Variants in IRAG2 observed in about 807,000 individuals in gnomAD.
IRAG2 encodes inositol 1,4,5-triphosphate receptor associated 2.
In IRAG2, 45 loss-of-function variants were observed where a neutral mutation model predicts 69.9. That is an observed-to-expected ratio of 0.64 (90% confidence interval 0.51 to 0.83). The LOEUF (loss-of-function observed/expected upper bound fraction) is 0.83, where lower values mean the gene tolerates loss of function less well. IRAG2 is among the 40% of genes least tolerant of loss of function. The pLI is 0.00. For synonymous variants in IRAG2, 193 were observed against 202.4 expected, an observed-to-expected ratio of 0.95 and a Z score of 0.40; for missense variants, 520 against 587.0, an observed-to-expected ratio of 0.89 and a Z score of 1.18.
At chr12:25,035,829 T>C (rs914132761) in intron 14 of IRAG2, 8 of 398,698 alleles carry the variant, frequency 2.0e-5, no homozygotes, top group African/African-American at 1.6e-4. Flanking sequence ...CCGTTTTGGC[T>C]GGCAATATCT....
intron 3 of IRAG2, among the ~76,000 whole-genome samples, chr12:25,014,805 C>G (rs1102642): frequency 0.22 from 33,300 of 151,578 alleles, 4,510 homozygotes; most frequent in Non-Finnish European, 0.31. Flanking sequence ...TCTCCACTTA[C>G]CAGTCCAACC....
chr12:25,045,864 A>AGG (rs751899422), intron 16 of IRAG2, among the ~76,000 whole-genome samples: 1 of 148,202 alleles, frequency 6.7e-6, no homozygotes, highest in African/African-American at 2.5e-5. Flanking sequence ...AAAAAAAAAA[A>AGG]AAAGGAAAGG....
At chr12:25,067,320 G>T (rs1002417429) in intron 5 of IRAG2, among the ~76,000 whole-genome samples, 7 of 152,144 alleles carry the variant, frequency 4.6e-5, no homozygotes, top group East Asian at 1.9e-4. Context: ...ATGTGTGGGG[G>T]TTTTTTTCCC....
intron 5 of IRAG2, among the ~76,000 whole-genome samples, chr12:25,067,341 GC>G (rs542035360): frequency 2.2e-4 from 33 of 152,220 alleles, no homozygotes; most frequent in African/African-American, 7.7e-4. Context: ...CACACTCCAA[GC>G]AATTTTCCAC....
At chr12:25,080,478 A>T (rs773349400) in intron 9 of IRAG2, among the ~76,000 whole-genome samples, 9 of 151,522 alleles carry the variant, frequency 5.9e-5, no homozygotes, top group Non-Finnish European at 1.3e-4. Context: ...CAGCCTCCCG[A>T]GTAGCTGGGA....
intron 3 of IRAG2, chr12:25,015,034 A>G (rs967258598): frequency 5.3e-6 from 2 of 377,268 alleles, no homozygotes; most frequent in African/African-American, 2.6e-5. Flanking sequence ...ATGAATATAT[A>G]TTTTTTTAAC....
At position 25,070,861 on chromosome 12, in the gene IRAG2, G is replaced by T. The variant is rs573124197; in HGVS notation, c.24+1430G>T. Among the ~76,000 whole-genome samples, 10 of 152,182 alleles carry T rather than the reference G, an allele frequency of 6.6e-5. No individual in the cohort carries two copies. The South Asian group carries it at 2.1e-3, about 32-fold the overall frequency. On this transcript the variant is annotated intron_variant, in intron 6 of 21. Transcript: ENST00000556887. ...CAAAGTGATACCTCACTGTATTTTT[G>T]ATTTGCATTTCTCTCATGATTAATA...
rs989491475 is a variant in IRAG2, at chr12:25,065,079, G to T, written c.-207+1263G>T. Among the ~76,000 whole-genome samples the T allele has an allele frequency of 3.6e-5, 5 of 139,140 alleles. No individual in the cohort carries two copies. In the East Asian group the frequency reaches 1.2e-3, roughly 33 times the overall value. The allele number at this position is 139,140 out of a possible 152,430, so 91.3% of individuals were successfully genotyped here. The stretch of plus-strand genomic sequence containing the variant: ...CATTCCAGCCTGGGTGTCGCAGTGA[G>T]ACTCAGTCTCAAAAAAAAAAAAGAG... On this transcript the variant is annotated intron_variant, in intron 4 of 21. Coordinates refer to ENST00000556887, the MANE Select transcript of IRAG2 (RefSeq NM_001366544.2).
chr12:25,011,298 A>T (rs1944472840), intron 2 of IRAG2: 3 of 1,162,668 alleles, frequency 2.6e-6, no homozygotes, highest in Non-Finnish European at 3.2e-6. Context: ...AACATTAAAG[A>T]GATAGGTGCT....
At chr12:25,015,361 A>G (rs12821446) in exon 5 of IRAG2, 2 of 1,232,004 alleles carry the variant, frequency 1.6e-6, no homozygotes, top group African/African-American at 3.1e-5. Context: ...GAAGATGAGC[A>G]CAGATATAAC....
intron 16 of IRAG2, among the ~76,000 whole-genome samples, chr12:25,043,725 C>T (rs1165061691): frequency 6.6e-6 from 1 of 152,106 alleles, no homozygotes; most frequent in African/African-American, 2.4e-5. Context: ...AGAATCTCTT[C>T]CTGGATTGAT....
intron 16 of IRAG2, among the ~76,000 whole-genome samples, chr12:25,042,212 G>A (rs1944756230): frequency 6.6e-6 from 1 of 152,060 alleles, no homozygotes; most frequent in East Asian, 1.9e-4. Context: ...GAGAAAGAGA[G>A]GAGTCATCCT....
Position 25,083,441 on chromosome 12 carries a change from A to T in IRAG2, c.263A>T (p.Asp88Val). ...CTCACAGGCACAAGTCCAGCTCATG[A>T]TAATATTGCATTCCAAGACTCTACG... The part of the protein sequence containing the change: ...IEAQGTSPAH[D>V]NIAFQDSTSK... The change falls in exon 10 of 22, where the codon GAT becomes GTT. Residue 88 changes from aspartate to valine, a missense_variant. Transcript: ENST00000556887. 1 of 1,612,010 alleles carries T rather than the reference A, an allele frequency of 6.2e-7. No homozygotes were observed. The highest frequency in any genetic ancestry group is 1.3e-5 in the African/African-American group (1 of 74,982).
intron 15 of IRAG2, among the ~76,000 whole-genome samples, chr12:25,098,577 A>T (rs909852656): frequency 2.6e-5 from 4 of 152,190 alleles, no homozygotes; most frequent in African/African-American, 9.7e-5. Flanking sequence ...CATGGGACCA[A>T]ATTCTCCTGA....
In IRAG2 at chr12:25,076,885, A is replaced by G. The variant is rs1256364066; in HGVS notation, c.25-2359A>G. Reference sequence around the variant, plus strand: ...TCTTTTGTTTTCTTTCTTTCTTTTCATTTTTTTTAAAGCAGGGTCTTGCCC... The same window carrying G: ...TCTTTTGTTTTCTTTCTTTCTTTTCGTTTTTTTTAAAGCAGGGTCTTGCCC... On this transcript the variant is annotated intron_variant, in intron 6 of 21. Coordinates refer to ENST00000556887, the MANE Select transcript of IRAG2 (RefSeq NM_001366544.2). Among the ~76,000 whole-genome samples the G allele has an allele frequency of 2.0e-5, 3 of 149,116 alleles. No homozygotes were observed. In the Admixed American group the frequency reaches 2.0e-4, roughly 10 times the overall value.
chr12:25,031,194 A>G (rs1944665006), intron 10 of IRAG2: 4 of 403,436 alleles, frequency 9.9e-6, no homozygotes, highest in Non-Finnish European at 1.3e-5. Flanking sequence ...TGACTGGGAT[A>G]CTGCGTATTG....
At chr12:25,098,782 G>A (rs1338522223) in intron 15 of IRAG2, among the ~76,000 whole-genome samples, 68 of 152,136 alleles carry the variant, frequency 4.5e-4, no homozygotes, top group Non-Finnish European at 2.9e-5. Context: ...TACTCACTGT[G>A]TTCAGTCTCC....
intron 13 of IRAG2, among the ~76,000 whole-genome samples, chr12:25,034,558 G>A (rs368251368): frequency 3.7e-4 from 56 of 152,206 alleles, no homozygotes; most frequent in African/African-American, 1.1e-3. Context: ...AAACCTTCTC[G>A]GGGATAAAGA....
intron 5 of IRAG2, 45 bp downstream of exon 5, chr12:25,066,557 C>A: frequency 2.5e-6 from 1 of 400,664 alleles, no homozygotes; most frequent in Non-Finnish European, 4.4e-6. Context: ...TCATGGGTGG[C>A]CCATTCCCAT....
Sources: gnomAD v4.1 joint callset for allele counts (sites outside exome capture counted in the v4.1 genomes callset) on GRCh38, gnomAD v4.1.1 for gene constraint, MANE v1.5 for transcripts, NCBI Gene and HGNC (gene_info 2026-07-23, HGNC 2026-07-21) for gene names.